The following SAMD5 variants were observed in gnomAD, a reference collection of about 807,000 sequenced individuals.
The protein encoded by SAMD5 is sterile alpha motif domain containing 5.
Under a neutral mutation model 11.3 loss-of-function variants are expected in SAMD5, and 13 were observed. That is an observed-to-expected ratio of 1.15 (90% CI 0.75 to 1.83). SAMD5 has a LOEUF of 1.83. Among genes scored for constraint, SAMD5 ranks in the 40% most tolerant of loss-of-function variants. The pLI, the probability that SAMD5 is intolerant of heterozygous loss-of-function variation, is 0.00. For synonymous variants in SAMD5, 129 were observed against 111.3 expected, an observed-to-expected ratio of 1.16 and a Z score of -1.00; for missense variants, 255 against 239.1, an observed-to-expected ratio of 1.07 and a Z score of -0.44.
intron 1 of SAMD5, among the ~76,000 whole-genome samples, chr6:147,605,572 G>A (rs1340878342): frequency 1.3e-5 from 2 of 152,092 alleles, no homozygotes; most frequent in African/African-American, 2.4e-5. Context: ...TATAAACAAA[G>A]CAATGTACAG....
chr6:147,935,185 C>T, the SAMD5 span, among the ~76,000 whole-genome samples: 35,543 of 152,020 alleles, frequency 0.23, 4,825 homozygotes, highest in African/African-American at 0.36. Context: ...ATCCAGGTAT[C>T]GGCAGTTGAG....
intron 1 of SAMD5, among the ~76,000 whole-genome samples, chr6:147,587,421 G>A (rs373388451): frequency 2.2e-4 from 34 of 152,126 alleles, no homozygotes; most frequent in African/African-American, 7.5e-4. Flanking sequence ...ATTTTTAGTA[G>A]AGATAGGATT....
At chr6:147,756,709 G>A in the SAMD5 span, among the ~76,000 whole-genome samples, 1 of 152,286 alleles carries the variant, frequency 6.6e-6, no homozygotes, top group Non-Finnish European at 1.5e-5. Flanking sequence ...CCCTGCGCTC[G>A]CGCAGTTATT....
intron 1 of SAMD5, among the ~76,000 whole-genome samples, chr6:147,696,369 T>C (rs1791176680): frequency 6.6e-6 from 1 of 152,204 alleles, no homozygotes; most frequent in Non-Finnish European, 1.5e-5. Flanking sequence ...CTTCATAAGA[T>C]AGCAGATGTA....
intron 1 of SAMD5, among the ~76,000 whole-genome samples, chr6:147,666,709 T>A (rs1790727130): frequency 6.6e-6 from 1 of 152,146 alleles, no homozygotes; most frequent in Non-Finnish European, 1.5e-5. Flanking sequence ...ATTTTGTAAA[T>A]ACAGGGATAT....
At chr6:147,682,444 C>G (rs953318573) in intron 1 of SAMD5, among the ~76,000 whole-genome samples, 2 of 152,216 alleles carry the variant, frequency 1.3e-5, no homozygotes, top group Admixed American at 6.5e-5. Context: ...CAGAGAGCAT[C>G]TTCTGGTCAC....
intron 1 of SAMD5, among the ~76,000 whole-genome samples, chr6:147,625,840 G>A (rs1189935622): frequency 1.3e-5 from 2 of 152,196 alleles, no homozygotes; most frequent in African/African-American, 4.8e-5. Flanking sequence ...GTGGCAAACT[G>A]TGGTAACTCC....
the SAMD5 span, among the ~76,000 whole-genome samples, chr6:147,883,101 G>A: frequency 6.6e-6 from 1 of 152,124 alleles, no homozygotes; most frequent in Non-Finnish European, 1.5e-5. Flanking sequence ...TTTTTACTTG[G>A]ATGAGTTCTT....
At chr6:147,783,775 G>A in the SAMD5 span, among the ~76,000 whole-genome samples, 1 of 152,166 alleles carries the variant, frequency 6.6e-6, no homozygotes, top group Non-Finnish European at 1.5e-5. Flanking sequence ...CCAGGAATGT[G>A]TTTTCACTGA....
intron 1 of SAMD5, among the ~76,000 whole-genome samples, chr6:147,628,934 A>C (rs778916087): frequency 7.9e-5 from 12 of 152,146 alleles, no homozygotes; most frequent in Non-Finnish European, 1.6e-4. Flanking sequence ...ACAGATCTTT[A>C]TCTCTATTTC....
the SAMD5 span, among the ~76,000 whole-genome samples, chr6:147,803,656 C>T: frequency 1.3e-5 from 2 of 152,312 alleles, no homozygotes; most frequent in East Asian, 3.9e-4. Context: ...AGTACACTCA[C>T]CCTCCAGCAT....
chr6:147,828,725 T>A, the SAMD5 span, among the ~76,000 whole-genome samples: 1 of 152,122 alleles, frequency 6.6e-6, no homozygotes, highest in East Asian at 1.9e-4. Context: ...CTTAATAAAC[T>A]CCCTTTTATA....
At chr6:147,800,976 TATTTG>T in the SAMD5 span, among the ~76,000 whole-genome samples, 1 of 152,282 alleles carries the variant, frequency 6.6e-6, no homozygotes, top group Non-Finnish European at 1.5e-5. Context: ...CTATTTTTAT[TATTTG>T]ATTTGAATAT....
At chr6:147,539,405 C>A (rs189504460) in intron 1 of SAMD5, among the ~76,000 whole-genome samples, 12 of 152,264 alleles carry the variant, frequency 7.9e-5, no homozygotes, top group Non-Finnish European at 1.2e-4. Flanking sequence ...ATTAGCAATC[C>A]CTTGAAGTAT....
the SAMD5 span, among the ~76,000 whole-genome samples, chr6:147,785,909 C>A: frequency 2.0e-5 from 3 of 152,148 alleles, no homozygotes; most frequent in South Asian, 6.2e-4. Flanking sequence ...TCAAATACAA[C>A]AATCGCTTCT....
Position 147,564,688 on chromosome 6 carries a change from CA to C in SAMD5, c.*233del. 1 of 1,235,274 alleles carries C rather than the reference CA, an allele frequency of 8.1e-7. No individual in the cohort carries two copies. The allele number at this position is 1,235,274 out of a possible 1,614,324, so 76.5% of individuals were successfully genotyped here. ...ATCACGCATAAAGAAGTATTGAGTT[CA>C]TTTTTTTAAGAAGATATCATGATGA... On this transcript the variant is annotated 3_prime_UTR_variant, in exon 2 of 2. Coordinates refer to ENST00000367474, the MANE Select transcript of SAMD5 (RefSeq NM_001030060.3).
chr6:147,848,386 G>T, the SAMD5 span, among the ~76,000 whole-genome samples: 2 of 152,162 alleles, frequency 1.3e-5, no homozygotes, highest in Non-Finnish European at 2.9e-5. Flanking sequence ...TTTGAGTAAA[G>T]AAGACAGTGA....
At chr6:147,647,010 AT>A (rs1562342187) in intron 1 of SAMD5, among the ~76,000 whole-genome samples, 5 of 108,468 alleles carry the variant, frequency 4.6e-5, no homozygotes, top group African/African-American at 1.0e-4. Flanking sequence ...AATAATAATA[AT>A]AATAAAATAG....
Position 147,518,669 on chromosome 6 carries a change from T to C in SAMD5, c.459+9282T>C, listed in dbSNP as rs190668488. ...GAATAAAGTACACTGGGAACCATAA[T>C]TGATGACACACAGCTTCTCAAGTTT... On this transcript the variant is annotated intron_variant, in intron 1 of 1. Transcript: ENST00000367474. 6.9e-4 allele frequency among the ~76,000 whole-genome samples: 105 copies of C among 152,312 alleles called. 1 individual carries two copies. Among genetic ancestry groups the C allele is most frequent in the African/African-American group, 2.3e-3 (95 of 41,568 alleles).
Sources: allele counts gnomAD v4.1 joint callset (sites outside exome capture counted in the v4.1 genomes callset), GRCh38; gene constraint gnomAD v4.1.1; transcripts MANE v1.5; gene names NCBI Gene and HGNC (gene_info 2026-07-23, HGNC 2026-07-21).